SLCO3A1: variants seen among roughly 807,000 people sequenced by gnomAD.
The protein encoded by SLCO3A1 is PGE1 transporter.
SLCO3A1 carries 27 observed loss-of-function variants against 63.1 expected under a neutral mutation model. The observed-to-expected ratio is 0.43, with a 90% CI of 0.32 to 0.59. The LOEUF (loss-of-function observed/expected upper bound fraction) is 0.59, where lower values mean the gene tolerates loss of function less well. Ranked by LOEUF, SLCO3A1 falls within the 20% of genes least tolerant of loss-of-function variation. SLCO3A1 has a pLI of 0.09. For synonymous variants in SLCO3A1, 473 were observed against 409.9 expected (o/e 1.15, Z -1.86); for missense variants, 773 against 945.8 (o/e 0.82, Z 2.40).
chr15:91,971,408 A>AAAAAAAAAAAAAAAAAAAAAAAAC (rs1284345654), intron 2 of SLCO3A1, among the ~76,000 whole-genome samples: 1 of 146,750 alleles, frequency 6.8e-6, no homozygotes, highest in African/African-American at 2.5e-5. Context: ...AAAAAAAAAA[A>AAAAAAAAAAAAAAAAAAAAAAAAC]AAGCAACCTC....
intron 7 of SLCO3A1, among the ~76,000 whole-genome samples, chr15:92,143,745 TTGGAGC>T (rs1032596531): frequency 1.3e-5 from 2 of 151,288 alleles, no homozygotes; most frequent in Admixed American, 1.3e-4. Context: ...GGAAAGGAGT[TTGGAGC>T]TGGAGCTGGG....
At chr15:91,930,710 A>G (rs182099652) in intron 2 of SLCO3A1, among the ~76,000 whole-genome samples, 3 of 152,350 alleles carry the variant, frequency 2.0e-5, no homozygotes. Context: ...TAGGAGTAAT[A>G]ATAAAATCAC....
intron 2 of SLCO3A1, among the ~76,000 whole-genome samples, chr15:91,986,375 G>C (rs777379944): frequency 2.0e-5 from 3 of 152,158 alleles, no homozygotes; most frequent in Non-Finnish European, 4.4e-5. Flanking sequence ...TTGGCAGCAG[G>C]ATCCTTTCCT....
intron 1 of SLCO3A1, among the ~76,000 whole-genome samples, chr15:91,893,245 A>G (rs1007798750): frequency 4.6e-5 from 7 of 152,342 alleles, no homozygotes; most frequent in African/African-American, 1.7e-4. Context: ...ACATGTGGCC[A>G]GTGGCTGTCC....
intron 9 of SLCO3A1, among the ~76,000 whole-genome samples, chr15:92,157,429 C>T (rs1483372594): frequency 6.6e-6 from 1 of 152,068 alleles, no homozygotes; most frequent in Non-Finnish European, 1.5e-5. Flanking sequence ...ACCTGGCCCC[C>T]CCCCTTGTCC....
In SLCO3A1 at chr15:92,119,600, G is replaced by A. The variant is rs1341786147; in HGVS notation, c.1010-865G>A. 2.0e-5 allele frequency among the ~76,000 whole-genome samples: 3 copies of A among 152,330 alleles called. No individual in the cohort carries two copies. The East Asian group carries it at 5.8e-4, about 29-fold the overall frequency. ...GACCCCCAAGGACAAAGACCTGGGTGGGGTGGACCTGGGTGCAGGCGAGAA... is the reference window on the plus strand; with the variant it reads ...GACCCCCAAGGACAAAGACCTGGGTAGGGTGGACCTGGGTGCAGGCGAGAA... On this transcript the variant is annotated intron_variant, in intron 4 of 9. Transcript: ENST00000318445.
At chr15:92,144,982 AGAG>A (rs999191273) in intron 7 of SLCO3A1, among the ~76,000 whole-genome samples, 4 of 152,192 alleles carry the variant, frequency 2.6e-5, no homozygotes, top group South Asian at 2.1e-4. Flanking sequence ...CAGGTGGGAA[AGAG>A]GAGAAGGTAC....
intron 2 of SLCO3A1, among the ~76,000 whole-genome samples, chr15:92,047,561 T>TATATAA (rs1290232709): frequency 7.7e-4 from 7 of 9,116 alleles, no homozygotes; most frequent in African/African-American, 1.2e-3. Flanking sequence ...AATATATAAA[T>TATATAA]ATATATATAA....
chr15:91,873,531 TACACACACACACAC>T (rs71912147), intron 1 of SLCO3A1, among the ~76,000 whole-genome samples: 35 of 146,764 alleles, frequency 2.4e-4, no homozygotes, highest in African/African-American at 8.3e-4. Flanking sequence ...GCTACATTCA[TACACACACACACAC>T]ACACACACAC....
At chr15:92,026,057 C>A (rs1489935091) in intron 2 of SLCO3A1, among the ~76,000 whole-genome samples, 1 of 152,208 alleles carries the variant, frequency 6.6e-6, no homozygotes, top group African/African-American at 2.4e-5. Context: ...GCTCTGTGTG[C>A]AGCAGGGAGG....
chr15:91,943,053 C>T (rs1899677972), intron 2 of SLCO3A1, among the ~76,000 whole-genome samples: 1 of 152,220 alleles, frequency 6.6e-6, no homozygotes, highest in African/African-American at 2.4e-5. Flanking sequence ...CACTGAAAAC[C>T]TCAGGTCTAG....
chr15:91,868,620 G>A (rs1300203773), intron 1 of SLCO3A1, among the ~76,000 whole-genome samples: 1 of 152,048 alleles, frequency 6.6e-6, no homozygotes, highest in Non-Finnish European at 1.5e-5. Flanking sequence ...GTCCATGTCT[G>A]GGGCTGGTTA....
intron 7 of SLCO3A1, among the ~76,000 whole-genome samples, chr15:92,139,555 C>T (rs2048101793): frequency 6.6e-6 from 1 of 151,884 alleles, no homozygotes; most frequent in African/African-American, 2.4e-5. Context: ...GGAATGGTAC[C>T]AGTTCCTCCT....
At chr15:92,004,553 A>G (rs1597211460) in intron 2 of SLCO3A1, among the ~76,000 whole-genome samples, 1 of 152,348 alleles carries the variant, frequency 6.6e-6, no homozygotes, top group South Asian at 2.1e-4. Context: ...ATTATTGGCC[A>G]TTTTATTGAC....
At chr15:91,982,178 C>T (rs1310459435) in intron 2 of SLCO3A1, among the ~76,000 whole-genome samples, 3 of 152,256 alleles carry the variant, frequency 2.0e-5, no homozygotes, top group East Asian at 1.9e-4. Context: ...GAGGGACCAC[C>T]TATGGGTCAT....
chr15:92,036,033 G>A (rs556614542), intron 2 of SLCO3A1, among the ~76,000 whole-genome samples: 69 of 146,868 alleles, frequency 4.7e-4, no homozygotes, highest in Non-Finnish European at 7.8e-5. Context: ...ACTGGGGCGT[G>A]GCCACTGCCC....
At position 92,163,735 on chromosome 15, in the gene SLCO3A1, T is replaced by C; in HGVS notation, c.*600T>C. On this transcript the variant is annotated 3_prime_UTR_variant, in exon 10 of 10. Transcript: ENST00000318445. ...CACTGTGTAGACGACTCACCCAGTC[T>C]GCATGTGGTTCAAGGCCCCAGAGTT... 1 of 985,352 alleles carries C rather than the reference T, an allele frequency of 1.0e-6. No individual in the cohort carries two copies. The highest frequency in any genetic ancestry group is 1.2e-6 in the Non-Finnish European group (1 of 829,936). 61.0% of individuals were successfully genotyped at this position (985,352 alleles called of 1,614,324 possible). A position where few individuals can be genotyped will look rare whatever the true frequency, so the allele number is the denominator to read the frequency against.
intron 2 of SLCO3A1, among the ~76,000 whole-genome samples, chr15:91,971,856 T>G (rs1900888424): frequency 6.6e-6 from 1 of 152,122 alleles, no homozygotes; most frequent in Admixed American, 6.5e-5. Context: ...GTTCAGTGTT[T>G]GTGGAGACTT....
In SLCO3A1 at chr15:92,164,793, CCT is replaced by C; in HGVS notation, c.*1662_*1663del. ...TTGGGGTAAGAATCACGTTGGAAAA[CCT>C]CTCGCAACCAGCACACTAGGCCTTC... On this transcript the variant is annotated 3_prime_UTR_variant, in exon 10 of 10. Transcript: ENST00000318445. The C allele has an allele frequency of 1.0e-6, 1 of 985,372 alleles. No individual in the cohort carries two copies. The allele number at this position is 985,372 out of a possible 1,614,324, so 61.0% of individuals were successfully genotyped here. A position where few individuals can be genotyped will look rare whatever the true frequency, so the allele number is the denominator to read the frequency against.
Sources: gnomAD v4.1 joint callset for allele counts (sites outside exome capture counted in the v4.1 genomes callset) on GRCh38, gnomAD v4.1.1 for gene constraint, MANE v1.5 for transcripts, NCBI Gene and HGNC (gene_info 2026-07-23, HGNC 2026-07-21) for gene names.